CATSPERD: variants seen among roughly 807,000 people sequenced by gnomAD.
CATSPERD encodes cation channel sperm-associated auxiliary subunit delta.
In CATSPERD, 86 loss-of-function variants were observed where a neutral mutation model predicts 98.1. The ratio of observed to expected loss-of-function variants is 0.88; its 90% CI spans 0.74 to 1.05. CATSPERD has a LOEUF of 1.05. CATSPERD is among the 50% of genes least tolerant of loss of function. The pLI is 0.00. For missense variants in CATSPERD, 995 were observed against 1,005.7 expected (o/e 0.99, Z 0.14); for synonymous variants, 394 against 390.2 (o/e 1.01, Z -0.12).
chr19:5,774,104 C>T (rs988536532), intron 20 of CATSPERD, among the ~76,000 whole-genome samples: 3 of 150,958 alleles, frequency 2.0e-5, no homozygotes, highest in African/African-American at 4.9e-5. Flanking sequence ...AGTAGCTGGA[C>T]TTACAAGCAC....
At chr19:5,739,680 A>T (rs1030111094) in intron 7 of CATSPERD, among the ~76,000 whole-genome samples, 49 of 151,442 alleles carry the variant, frequency 3.2e-4, no homozygotes, top group African/African-American at 1.0e-3. Context: ...AAAAATAAAA[A>T]AAATAAATAA....
intron 7 of CATSPERD, among the ~76,000 whole-genome samples, chr19:5,741,799 T>TC (rs1568350136): frequency 6.5e-5 from 1 of 15,472 alleles, no homozygotes; most frequent in Non-Finnish European, 1.8e-4. Flanking sequence ...GGGGGGGGGG[T>TC]GGTGTGGATC....
intron 17 of CATSPERD, among the ~76,000 whole-genome samples, chr19:5,767,954 G>A (rs948694794): frequency 1.3e-5 from 2 of 151,856 alleles, no homozygotes; most frequent in African/African-American, 4.8e-5. Context: ...GTGATGCCAC[G>A]CCTGGCTAAC....
chr19:5,751,957 G>A, intron 12 of CATSPERD, 134 bp downstream of exon 12: 1 of 820,836 alleles, frequency 1.2e-6, no homozygotes, highest in Non-Finnish European at 1.8e-6. Flanking sequence ...GAGGCCAGGA[G>A]TTCAAGACCA....
chr19:5,770,493 AAATTTTGCTGGGCT>A (rs1255873602), intron 18 of CATSPERD, among the ~76,000 whole-genome samples: 1 of 151,390 alleles, frequency 6.6e-6, no homozygotes, highest in African/African-American at 2.4e-5. Context: ...TAAGGAGCAG[AAATTTTGCTGGGCT>A]TGGTGGCTTA....
chr19:5,723,928 C>T (rs2145669679), intron 1 of CATSPERD, among the ~76,000 whole-genome samples: 1 of 152,132 alleles, frequency 6.6e-6, no homozygotes, highest in East Asian at 1.9e-4. Context: ...AGGCATGCGC[C>T]ACCACACGCT....
chr19:5,759,241 C>A, intron 15 of CATSPERD, 97 bp downstream of exon 15: 1 of 1,125,410 alleles, frequency 8.9e-7, no homozygotes, highest in South Asian at 1.2e-5. Flanking sequence ...ACCCCCAGCT[C>A]CAGAACAGTA....
rs1405862315 is a variant in CATSPERD at position 5,768,150 on chromosome 19, G to A, written c.1560-18G>A. ...TTGTGAGGTCATGCCATTGCTCAAT[G>A]TCCACTTTTGCTTGCAGCAAAGTTT... On this transcript the variant is annotated intron_variant, in intron 17 of 21. Coordinates refer to ENST00000381624, the MANE Select transcript of CATSPERD (RefSeq NM_152784.4). 6.2e-7 allele frequency: 1 copy of A among 1,610,348 alleles called. No individual in the cohort carries two copies. Among genetic ancestry groups the A allele is most frequent in the African/African-American group, 1.3e-5 (1 of 74,734 alleles).
At chr19:5,733,070 C>T (rs59460523) in intron 4 of CATSPERD, among the ~76,000 whole-genome samples, 13 of 150,066 alleles carry the variant, frequency 8.7e-5, no homozygotes, top group South Asian at 2.1e-4. Context: ...CTCGGCTCAC[C>T]GCAACCTCCA....
chr19:5,743,372 C>T (rs906677436), intron 7 of CATSPERD, among the ~76,000 whole-genome samples: 1 of 150,804 alleles, frequency 6.6e-6, no homozygotes, highest in Non-Finnish European at 1.5e-5. Context: ...CCGAGGTGGG[C>T]GGATCACCTG....
intron 16 of CATSPERD, among the ~76,000 whole-genome samples, chr19:5,765,669 G>A (rs998598735): frequency 3.3e-5 from 5 of 151,752 alleles, no homozygotes; most frequent in East Asian, 3.9e-4. Context: ...AAAATTAGCC[G>A]GGTGTGCTGG....
intron 11 of CATSPERD, among the ~76,000 whole-genome samples, chr19:5,750,174 C>T (rs563120248): frequency 2.9e-4 from 42 of 144,410 alleles, no homozygotes; most frequent in East Asian, 1.2e-3. Flanking sequence ...TTTGGCCGGG[C>T]GTGGTGGCTC....
chr19:5,763,119 C>A, intron 15 of CATSPERD, 96 bp from the exon 16 acceptor site: 1 of 849,512 alleles, frequency 1.2e-6, no homozygotes, highest in Non-Finnish European at 2.0e-6. Context: ...TGGATGGATG[C>A]ACGGATGACT....
chr19:5,771,047 AC>A lies in CATSPERD; in HGVS notation c.1741del (p.Leu581TyrfsTer27). ...LGCPLLVYYDTLWKPVVELWR... is the reference protein window; with the variant it reads ...LGCPLLVYYDXLWKPVVELWR... Reference sequence around the variant, plus strand: ...CTGTCCTCTCCTCGTCTACTATGACACCCTATGGAAGCCCGTGGTGGAGCTG... The same window carrying A: ...CTGTCCTCTCCTCGTCTACTATGACACCTATGGAAGCCCGTGGTGGAGCTG... On this transcript the variant is annotated frameshift_variant, in exon 19 of 22. Coordinates refer to ENST00000381624, the MANE Select transcript of CATSPERD (RefSeq NM_152784.4). LOFTEE classifies it high-confidence loss of function. 1 of 1,613,776 alleles carries A rather than the reference AC, an allele frequency of 6.2e-7. No individual in the cohort carries two copies. Among genetic ancestry groups the A allele is most frequent in the Non-Finnish European group, 8.5e-7 (1 of 1,179,890 alleles).
chr19:5,745,228 G>C (rs2056071558), intron 8 of CATSPERD, among the ~76,000 whole-genome samples: 1 of 151,874 alleles, frequency 6.6e-6, no homozygotes, highest in Non-Finnish European at 1.5e-5. Context: ...TGAGATTACA[G>C]GTGTGAGCCA....
chr19:5,764,365 G>T (rs2056500074), intron 16 of CATSPERD, among the ~76,000 whole-genome samples: 1 of 151,738 alleles, frequency 6.6e-6, no homozygotes, highest in Non-Finnish European at 1.5e-5. Flanking sequence ...GCCCAGGTTG[G>T]AGTGCAGTGG....
Position 5,733,870 on chromosome 19 carries a change from A to G in CATSPERD, c.291A>G (p.Glu97=). The change falls in exon 5 of 22, where the codon GAA becomes GAG. Residue 97 remains glutamate, a synonymous_variant. Coordinates refer to ENST00000381624, the MANE Select transcript of CATSPERD (RefSeq NM_152784.4). ...IPTSMQVGVP[E]VTSAHFAGSL... is the part of the protein sequence containing the mutation. The stretch of plus-strand genomic sequence containing the variant: ...ATAACTTTTAGGTCGGCGTACCAGA[A>G]GTGACATCAGCACATTTTGCTGGTT... The G allele has an allele frequency of 6.2e-7, 1 of 1,611,268 alleles. No homozygotes were observed. The highest frequency in any genetic ancestry group is 8.5e-7 in the Non-Finnish European group (1 of 1,178,728).
chr19:5,746,951 C>T (rs2056106422), intron 9 of CATSPERD, among the ~76,000 whole-genome samples: 1 of 151,742 alleles, frequency 6.6e-6, no homozygotes, highest in Non-Finnish European at 1.5e-5. Flanking sequence ...CTCAAACGAT[C>T]CTCCCATCTC....
At chr19:5,770,870 CTG>C in intron 18 of CATSPERD, 72 bp from the exon 19 acceptor site, 1 of 1,519,896 alleles carries the variant, frequency 6.6e-7, no homozygotes, top group Non-Finnish European at 8.8e-7. Flanking sequence ...AAAAAAGAAA[CTG>C]CGGCTGTGAA....
Sources: allele counts gnomAD v4.1 joint callset (sites outside exome capture counted in the v4.1 genomes callset), GRCh38; gene constraint gnomAD v4.1.1; transcripts MANE v1.5; gene names NCBI Gene and HGNC (gene_info 2026-07-23, HGNC 2026-07-21).